ZFAND3: variants seen among roughly 807,000 people sequenced by gnomAD.
ZFAND3 encodes the protein zinc finger AN1-type containing 3.
A neutral mutation model predicts 29.6 loss-of-function variants in ZFAND3; 10 were observed. That is an observed-to-expected ratio of 0.34 (90% confidence interval 0.21 to 0.57). ZFAND3 has a LOEUF of 0.57. ZFAND3 is among the 20% of genes least tolerant of loss of function. The probability of loss-of-function intolerance (pLI) is 0.86; values close to 1 mark genes in which losing one functional copy is unlikely to be tolerated. For missense variants in ZFAND3, 230 were observed against 304.5 expected (o/e 0.76, Z 1.82); for synonymous variants, 128 against 112.6 (o/e 1.14, Z -0.87).
At chr6:38,067,530 T>A (rs1237884475) in intron 3 of ZFAND3, among the ~76,000 whole-genome samples, 1 of 152,232 alleles carries the variant, frequency 6.6e-6, no homozygotes, top group Non-Finnish European at 1.5e-5. Context: ...GGCTATACAG[T>A]GGAAGGTGTG....
chr6:37,975,396 A>G (rs995946783), intron 2 of ZFAND3, among the ~76,000 whole-genome samples: 7 of 152,088 alleles, frequency 4.6e-5, no homozygotes, highest in African/African-American at 1.7e-4. Flanking sequence ...TATGTTTGCA[A>G]AGATTTTTTC....
In ZFAND3 at chr6:38,087,042, A is replaced by C. The variant is rs187303007; in HGVS notation, c.361+4585A>C. Among the ~76,000 whole-genome samples the C allele has an allele frequency of 2.4e-3, 365 of 152,310 alleles. 1 individual carries two copies. The highest frequency in any genetic ancestry group is 8.6e-3 in the African/African-American group (356 of 41,568). On this transcript the variant is annotated intron_variant, in intron 4 of 5. Coordinates refer to ENST00000287218, the MANE Select transcript of ZFAND3 (RefSeq NM_021943.3). ...AACCCAGAAACAAATCCACACACCT[A>C]CAGTGAACTCATTTTTGACAAAGGT...
chr6:37,948,008 A>G (rs919656698), intron 2 of ZFAND3, among the ~76,000 whole-genome samples: 2 of 151,984 alleles, frequency 1.3e-5, no homozygotes, highest in African/African-American at 2.4e-5. Context: ...ATTTATTGAG[A>G]CTTGTTTTAT....
At chr6:37,898,040 A>G (rs372034870) in intron 1 of ZFAND3, among the ~76,000 whole-genome samples, 1 of 152,170 alleles carries the variant, frequency 6.6e-6, no homozygotes. Flanking sequence ...AGAAGTTCTC[A>G]ATTTTAATGC....
At chr6:37,974,550 G>C (rs1013307299) in intron 2 of ZFAND3, among the ~76,000 whole-genome samples, 1 of 151,790 alleles carries the variant, frequency 6.6e-6, no homozygotes, top group Admixed American at 6.6e-5. Flanking sequence ...AGCTACAGGC[G>C]TGCGCTCCAA....
intron 2 of ZFAND3, among the ~76,000 whole-genome samples, chr6:37,994,652 G>T (rs1453640532): frequency 2.6e-5 from 4 of 152,266 alleles, no homozygotes; most frequent in Admixed American, 2.6e-4. Context: ...TATGTGATTT[G>T]TAACTCTTAC....
intron 2 of ZFAND3, among the ~76,000 whole-genome samples, chr6:38,045,092 T>TGA (rs1486113294): frequency 2.3e-4 from 34 of 148,384 alleles, no homozygotes; most frequent in African/African-American, 7.4e-4. Flanking sequence ...ATTTATTTAT[T>TGA]TATTTATTTA....
chr6:38,045,357 G>C (rs1301034192), intron 2 of ZFAND3, among the ~76,000 whole-genome samples: 10 of 152,128 alleles, frequency 6.6e-5, no homozygotes, highest in Non-Finnish European at 1.5e-5. Context: ...CCAAAGTAGT[G>C]GGATTGCAGA....
intron 1 of ZFAND3, among the ~76,000 whole-genome samples, chr6:37,893,026 GAATT>G (rs1377335655): frequency 6.6e-6 from 1 of 151,960 alleles, no homozygotes; most frequent in African/African-American, 2.4e-5. Flanking sequence ...AACATTTAAA[GAATT>G]AATACCAGTT....
chr6:38,001,154 C>A (rs1341284865), intron 2 of ZFAND3, among the ~76,000 whole-genome samples: 1 of 152,192 alleles, frequency 6.6e-6, no homozygotes, highest in African/African-American at 2.4e-5. Flanking sequence ...TCTGACCACC[C>A]TTAGTGTAGA....
Position 37,997,296 on chromosome 6 carries a change from G to A in ZFAND3, c.113-64297G>A, listed in dbSNP as rs528591900. ...TCTTCTTCTTCGGCATAGTCTTTTAGTTCCTATATTTTCAGGAGTATGGCT... is the reference window on the plus strand; with the variant it reads ...TCTTCTTCTTCGGCATAGTCTTTTAATTCCTATATTTTCAGGAGTATGGCT... On this transcript the variant is annotated intron_variant, in intron 2 of 5. Coordinates refer to ENST00000287218, the MANE Select transcript of ZFAND3 (RefSeq NM_021943.3). Among the ~76,000 whole-genome samples the A allele has an allele frequency of 2.3e-4, 35 of 152,240 alleles. 1 individual carries two copies. The South Asian group carries it at 2.5e-3, about 11-fold the overall frequency.
intron 2 of ZFAND3, chr6:38,003,037 G>C (rs1326009606): frequency 6.5e-6 from 1 of 153,162 alleles, no homozygotes; most frequent in African/African-American, 2.4e-5. Context: ...GGTAGGCAAA[G>C]AATGTTACTT....
intron 1 of ZFAND3, among the ~76,000 whole-genome samples, chr6:37,893,299 T>C (rs1765136687): frequency 6.6e-6 from 1 of 152,198 alleles, no homozygotes; most frequent in East Asian, 1.9e-4. Flanking sequence ...GAAAATCAAT[T>C]AATGTAATAC....
chr6:38,062,081 G>T (rs768696685), intron 3 of ZFAND3, among the ~76,000 whole-genome samples: 2 of 152,126 alleles, frequency 1.3e-5, no homozygotes, highest in Non-Finnish European at 2.9e-5. Context: ...CCATTCCCTC[G>T]TTCTCATTTA....
chr6:37,862,852 A>C (rs1764519210), intron 1 of ZFAND3, among the ~76,000 whole-genome samples: 1 of 152,166 alleles, frequency 6.6e-6, no homozygotes, highest in Non-Finnish European at 1.5e-5. Flanking sequence ...CTGGGAAAAA[A>C]AAATGGGTAT....
Position 38,153,331 on chromosome 6 carries a change from A to G in ZFAND3, c.*942A>G, listed in dbSNP as rs1766274633. ...GAAGTGCTGGGAGCAGCAGCTGGGG[A>G]AGCTGCCGCCCACGGGCTCTGCCCC... On this transcript the variant is annotated 3_prime_UTR_variant, in exon 6 of 6. Coordinates refer to ENST00000287218, the MANE Select transcript of ZFAND3 (RefSeq NM_021943.3). The G allele has an allele frequency of 1.0e-6, 1 of 985,484 alleles. No homozygotes were observed. Among genetic ancestry groups the G allele is most frequent in the Non-Finnish European group, 1.2e-6 (1 of 829,954 alleles). 61.0% of individuals were successfully genotyped at this position (985,484 alleles called of 1,614,324 possible). A position where few individuals can be genotyped will look rare whatever the true frequency, so the allele number is the denominator to read the frequency against.
intron 2 of ZFAND3, among the ~76,000 whole-genome samples, chr6:37,982,230 A>G (rs943703978): frequency 1.3e-5 from 2 of 149,226 alleles, no homozygotes; most frequent in Admixed American, 1.3e-4. Flanking sequence ...TAATCTTTGT[A>G]TGTATCTTAT....
At chr6:38,016,800 G>C (rs1763259442) in intron 2 of ZFAND3, among the ~76,000 whole-genome samples, 1 of 152,128 alleles carries the variant, frequency 6.6e-6, no homozygotes, top group Admixed American at 6.5e-5. Context: ...TTTCAGTGCA[G>C]AATTACTGTT....
intron 2 of ZFAND3, among the ~76,000 whole-genome samples, chr6:37,944,159 GTGT>G (rs1339596672): frequency 9.9e-5 from 15 of 152,116 alleles, no homozygotes; most frequent in Non-Finnish European, 1.0e-4. Flanking sequence ...TTATTTAGAT[GTGT>G]TGATTATAAT....
Sources: gnomAD v4.1 joint callset for allele counts (sites outside exome capture counted in the v4.1 genomes callset) on GRCh38, gnomAD v4.1.1 for gene constraint, MANE v1.5 for transcripts, NCBI Gene and HGNC (gene_info 2026-07-23, HGNC 2026-07-21) for gene names.